Variants in ADPGK observed in about 807,000 individuals in gnomAD.
ADPGK encodes ADP-dependent glucokinase.
ADPGK carries 26 observed loss-of-function variants against 42.4 expected under a neutral mutation model. The observed-to-expected ratio is 0.61, with a 90% CI of 0.45 to 0.85. ADPGK has a LOEUF of 0.85. Among genes scored for constraint, ADPGK ranks in the 40% least tolerant of loss-of-function variants. The pLI, the probability that ADPGK is intolerant of heterozygous loss-of-function variation, is 0.00. For missense variants in ADPGK, 571 were observed against 627.0 expected (o/e 0.91, Z 0.95); for synonymous variants, 267 against 252.6 (o/e 1.06, Z -0.54).
intron 1 of ADPGK, among the ~76,000 whole-genome samples, chr15:72,782,661 C>G (rs1479799912): frequency 3.3e-5 from 5 of 152,268 alleles, no homozygotes; most frequent in African/African-American, 1.2e-4. Flanking sequence ...TTTACCCCTC[C>G]CGGCCCCAAC....
At chr15:72,769,102 G>A (rs1566957309) in intron 3 of ADPGK, among the ~76,000 whole-genome samples, 1 of 152,126 alleles carries the variant, frequency 6.6e-6, no homozygotes, top group East Asian at 1.9e-4. Flanking sequence ...TTATTCTTGG[G>A]CATTGATGTA....
intron 1 of ADPGK, among the ~76,000 whole-genome samples, chr15:72,782,542 A>C (rs1026133092): frequency 2.0e-5 from 3 of 151,030 alleles, no homozygotes; most frequent in African/African-American, 7.3e-5. Flanking sequence ...AAAAAAAAAA[A>C]AAAAAACCCC....
At chr15:72,775,196 G>A (rs749851585) in intron 1 of ADPGK, 99 bp from the exon 2 acceptor site, 7 of 1,006,562 alleles carry the variant, frequency 7.0e-6, no homozygotes, top group Admixed American at 2.3e-5. Context: ...TTATTCAACA[G>A]AAAAAACAGG....
intron 3 of ADPGK, among the ~76,000 whole-genome samples, chr15:72,770,916 C>T (rs770043332): frequency 2.6e-5 from 4 of 152,148 alleles, no homozygotes; most frequent in Non-Finnish European, 5.9e-5. Context: ...TTAGGCTGGT[C>T]CCCCAAAACT....
intron 3 of ADPGK, among the ~76,000 whole-genome samples, chr15:72,768,297 CCTAGAAGGCTTCA>C (rs1207180518): frequency 6.6e-6 from 1 of 152,020 alleles, no homozygotes; most frequent in African/African-American, 2.4e-5. Context: ...AAACCCTGGG[CCTAGAAGGCTTCA>C]CTAGAAGGCT....
chr15:72,760,542 C>T lies in ADPGK; in HGVS notation c.523-15G>A. 1 of 1,592,558 alleles carries T rather than the reference C, an allele frequency of 6.3e-7. No individual in the cohort carries two copies. The highest frequency in any genetic ancestry group is 1.3e-5 in the African/African-American group (1 of 74,674). ...CAAAGAAGAACCTGGAGGCAAGCAA[C>T]ACGAAGTCCATCAGGAGCCCCGTTC... On this transcript the variant is annotated splice_polypyrimidine_tract_variant and intron_variant, in intron 3 of 6. Coordinates refer to ENST00000456471, the MANE Select transcript of ADPGK (RefSeq NM_001365225.1).
At chr15:72,771,729 A>C in intron 3 of ADPGK, 54 bp downstream of exon 3, 1 of 1,519,422 alleles carries the variant, frequency 6.6e-7, no homozygotes, top group South Asian at 1.1e-5. Context: ...TTGCTCCTAA[A>C]ATTATTGAAA....
chr15:72,756,597 C>T, intron 4 of ADPGK, 150 bp from the exon 5 acceptor site: 2 of 761,714 alleles, frequency 2.6e-6, no homozygotes, highest in Non-Finnish European at 4.2e-6. Flanking sequence ...GGCCTAAGGT[C>T]AGCATGGCAC....
At chr15:72,782,815 A>G (rs4777539) in intron 1 of ADPGK, 145,604 of 152,228 alleles carry the variant, frequency 0.96, 69,986 homozygotes, top group East Asian at 1. Flanking sequence ...ACTATAAAGA[A>G]AATAATTACA....
At chr15:72,769,412 C>A (rs2066301494) in intron 3 of ADPGK, among the ~76,000 whole-genome samples, 1 of 152,216 alleles carries the variant, frequency 6.6e-6, no homozygotes, top group African/African-American at 2.4e-5. Flanking sequence ...GTGGCGCAAT[C>A]TCGGCTCACT....
At position 72,755,857 on chromosome 15, in the gene ADPGK, G is replaced by A; in HGVS notation, c.841-203C>T. ...ACCAGGGAAGACTAGGCTGTGCAGAGCCATCAGGGATACAGAATCAGAGAT... is the reference window on the plus strand; with the variant it reads ...ACCAGGGAAGACTAGGCTGTGCAGAACCATCAGGGATACAGAATCAGAGAT... On this transcript the variant is annotated intron_variant, in intron 5 of 6. Coordinates refer to ENST00000456471, the MANE Select transcript of ADPGK (RefSeq NM_001365225.1). 4.5e-6 allele frequency: 3 copies of A among 660,574 alleles called. No homozygotes were observed. In the South Asian group the frequency reaches 4.7e-5, roughly 10 times the overall value. The allele number at this position is 660,574 out of a possible 1,614,324, so 40.9% of individuals were successfully genotyped here.
intron 3 of ADPGK, among the ~76,000 whole-genome samples, chr15:72,762,500 T>C (rs1369065474): frequency 6.6e-6 from 1 of 152,224 alleles, no homozygotes; most frequent in East Asian, 1.9e-4. Context: ...TCTGAAAAAG[T>C]CTTGCCCCAA....
At chr15:72,776,597 T>C (rs1032139044) in intron 1 of ADPGK, among the ~76,000 whole-genome samples, 2 of 152,238 alleles carry the variant, frequency 1.3e-5, no homozygotes, top group African/African-American at 2.4e-5. Context: ...GGTATATTTC[T>C]ACTTTTAACA....
intron 4 of ADPGK, chr15:72,758,241 C>A: frequency 1.0e-6 from 1 of 961,906 alleles, no homozygotes; most frequent in African/African-American, 1.6e-5. Context: ...CTAATTCTGC[C>A]TGTAATGGTA....
intron 1 of ADPGK, chr15:72,782,978 A>G (rs1170124270): frequency 6.4e-6 from 1 of 155,498 alleles, no homozygotes; most frequent in Non-Finnish European, 1.4e-5. Context: ...AGATTCAAAA[A>G]GGCAAATCTG....
intron 3 of ADPGK, among the ~76,000 whole-genome samples, chr15:72,765,848 G>A (rs1175684466): frequency 6.6e-6 from 1 of 152,072 alleles, no homozygotes; most frequent in East Asian, 1.9e-4. Flanking sequence ...TGGCTGAGAT[G>A]GAATCTACTT....
At chr15:72,779,216 T>C (rs2066425801) in intron 1 of ADPGK, among the ~76,000 whole-genome samples, 1 of 149,672 alleles carries the variant, frequency 6.7e-6, no homozygotes, top group Non-Finnish European at 1.5e-5. Flanking sequence ...TGAAGCCAGT[T>C]CCAGGGGCAA....
intron 3 of ADPGK, among the ~76,000 whole-genome samples, chr15:72,766,595 C>T (rs1022561368): frequency 1.4e-4 from 21 of 152,132 alleles, no homozygotes; most frequent in East Asian, 3.9e-4. Flanking sequence ...ACTTACTTGA[C>T]GATAGTACGG....
intron 2 of ADPGK, 145 bp downstream of exon 2, chr15:72,774,727 A>G (rs2066369293): frequency 3.0e-6 from 2 of 663,744 alleles, no homozygotes; most frequent in Non-Finnish European, 5.1e-6. Flanking sequence ...AGAACCATCA[A>G]CCTAGACCCA....
Sources: gnomAD v4.1 joint callset for allele counts (sites outside exome capture counted in the v4.1 genomes callset) on GRCh38, gnomAD v4.1.1 for gene constraint, MANE v1.5 for transcripts, NCBI Gene and HGNC (gene_info 2026-07-23, HGNC 2026-07-21) for gene names.